Variants in MECOM observed in about 807,000 individuals in gnomAD.
MECOM encodes histone-lysine N-methyltransferase MECOM.
Under a neutral mutation model 116.3 loss-of-function variants are expected in MECOM, and 13 were observed. That is an observed-to-expected ratio of 0.11 (90% confidence interval 0.07 to 0.18). The LOEUF is 0.18. Among genes scored for constraint, MECOM ranks in the 10% least tolerant of loss-of-function variants. MECOM has a pLI of 1.00. For synonymous variants in MECOM, 528 were observed against 535.2 expected (o/e 0.99, Z 0.19); for missense variants, 1,299 against 1,509.0 (o/e 0.86, Z 2.31).
intron 1 of MECOM, among the ~76,000 whole-genome samples, chr3:169,433,649 G>GAAAGAAAGAAAGAAAGAA (rs1553851634): frequency 7.3e-4 from 89 of 121,520 alleles, no homozygotes; most frequent in African/African-American, 2.7e-3. Flanking sequence ...GAGAAAGAAA[G>GAAAGAAAGAAAGAAAGAA]AAAGAAAGAA....
At chr3:169,619,878 T>C (rs1429935718) in intron 1 of MECOM, among the ~76,000 whole-genome samples, 1 of 152,190 alleles carries the variant, frequency 6.6e-6, no homozygotes, top group African/African-American at 2.4e-5. Flanking sequence ...CTGAGAACTG[T>C]TGGCCCCAAG....
chr3:169,389,459 A>G (rs546598617), intron 1 of MECOM: 1 of 616,226 alleles, frequency 1.6e-6, no homozygotes, highest in African/African-American at 2.0e-5. Context: ...GAACAGACTT[A>G]TCACATATCA....
intron 1 of MECOM, among the ~76,000 whole-genome samples, chr3:169,489,759 A>C (rs1752852595): frequency 1.3e-5 from 2 of 152,248 alleles, no homozygotes; most frequent in South Asian, 4.1e-4. Flanking sequence ...AAATACCTAA[A>C]TATGTAAAGC....
At chr3:169,552,333 C>G (rs1761510706) in intron 1 of MECOM, among the ~76,000 whole-genome samples, 1 of 151,734 alleles carries the variant, frequency 6.6e-6, no homozygotes, top group South Asian at 2.1e-4. Flanking sequence ...TTGATAACAT[C>G]ATCAAAATTC....
chr3:169,262,700 C>T (rs1359242600), intron 2 of MECOM, among the ~76,000 whole-genome samples: 1 of 152,062 alleles, frequency 6.6e-6, no homozygotes, highest in Non-Finnish European at 1.5e-5. Context: ...CTGGAGAAAG[C>T]CCCCCACCAC....
chr3:169,575,414 C>T lies in MECOM; in HGVS notation c.37+87922G>A, dbSNP rs928438989. On this transcript the variant is annotated intron_variant, in intron 1 of 16. Transcript: ENST00000651503. ...GGGGACTGAAAAAGACCAGGCACTCCGAAGACTGGCAGAGAATGCCAGCAC... is the reference window on the plus strand; with the variant it reads ...GGGGACTGAAAAAGACCAGGCACTCTGAAGACTGGCAGAGAATGCCAGCAC... Among the ~76,000 whole-genome samples, 4 of 152,220 alleles carry T rather than the reference C, an allele frequency of 2.6e-5. No individual in the cohort carries two copies. In the South Asian group the frequency reaches 8.3e-4, roughly 32 times the overall value.
intron 1 of MECOM, among the ~76,000 whole-genome samples, chr3:169,597,705 T>A (rs1767304265): frequency 6.6e-6 from 1 of 152,196 alleles, no homozygotes; most frequent in Non-Finnish European, 1.5e-5. Context: ...CTCACAAACC[T>A]TGATACCTCT....
chr3:169,511,700 C>T (rs1157741786), intron 1 of MECOM, among the ~76,000 whole-genome samples: 6 of 151,494 alleles, frequency 4.0e-5, no homozygotes, highest in Non-Finnish European at 8.8e-5. Flanking sequence ...ACCCAGGAGG[C>T]GGAGGTTGTA....
At chr3:169,592,224 C>T (rs1766507602) in intron 1 of MECOM, among the ~76,000 whole-genome samples, 1 of 152,224 alleles carries the variant, frequency 6.6e-6, no homozygotes, top group Non-Finnish European at 1.5e-5. Flanking sequence ...TCCAGGGTGT[C>T]TGCTGTTCAC....
intron 2 of MECOM, chr3:169,149,704 C>T (rs371047174): frequency 1.3e-4 from 62 of 467,834 alleles, no homozygotes; most frequent in African/African-American, 1.2e-3. Context: ...CTTCTCTTCC[C>T]CAAATACAAC....
Position 169,122,662 on chromosome 3 carries a change from G to A in MECOM, c.896C>T (p.Ala299Val). 6.2e-7 allele frequency: 1 copy of A among 1,614,040 alleles called. No homozygotes were observed. Among genetic ancestry groups the A allele is most frequent in the East Asian group, 2.2e-5 (1 of 44,860 alleles). ...REYKCDQCPK[A>V]FNWKSNLIRH... ...AATTAAATTGGACTTCCAGTTAAAT[G>A]CCTTGGGACACTGATCACACTTGTA... Residue 299 changes from alanine (A) to valine (V), a missense_variant, in exon 6 of 17, where the codon GCA (alanine) becomes GTA (valine). Ala to Val is a moderately conservative substitution (Grantham distance 64, BLOSUM62 0). Coordinates refer to ENST00000651503, the MANE Select transcript of MECOM (RefSeq NM_004991.4).
At chr3:169,438,722 G>C (rs1301382439) in intron 1 of MECOM, among the ~76,000 whole-genome samples, 1 of 152,184 alleles carries the variant, frequency 6.6e-6, no homozygotes, top group East Asian at 1.9e-4. Context: ...CAGCCAGCAC[G>C]TGAAGAAATG....
At chr3:169,227,147 A>G (rs1219956947) in intron 2 of MECOM, among the ~76,000 whole-genome samples, 1 of 152,208 alleles carries the variant, frequency 6.6e-6, no homozygotes, top group African/African-American at 2.4e-5. Flanking sequence ...GAGCAGGCCC[A>G]GATTGTACAC....
intron 1 of MECOM, among the ~76,000 whole-genome samples, chr3:169,610,525 G>GTA (rs68013384): frequency 0.35 from 52,350 of 150,310 alleles, 9,356 homozygotes; most frequent in Non-Finnish European, 0.39. Context: ...GTGTGTGTGT[G>GTA]TGTATAATAT....
intron 1 of MECOM, among the ~76,000 whole-genome samples, chr3:169,447,026 T>G (rs1744751963): frequency 6.6e-6 from 1 of 152,350 alleles, no homozygotes; most frequent in African/African-American, 2.4e-5. Context: ...GAATTTTTTA[T>G]GTTATGAAAA....
At chr3:169,117,066 AC>A (rs1296660683) in intron 7 of MECOM, among the ~76,000 whole-genome samples, 1 of 152,192 alleles carries the variant, frequency 6.6e-6, no homozygotes, top group Admixed American at 6.5e-5. Context: ...TTGATTCTCC[AC>A]ACAATTATTA....
At chr3:169,391,014 T>A (rs963791780) in intron 1 of MECOM, among the ~76,000 whole-genome samples, 1 of 152,204 alleles carries the variant, frequency 6.6e-6, no homozygotes, top group African/African-American at 2.4e-5. Context: ...ACAGCTGACT[T>A]GATGCAGACC....
At chr3:169,173,633 C>T (rs1295950717) in intron 2 of MECOM, among the ~76,000 whole-genome samples, 1 of 152,196 alleles carries the variant, frequency 6.6e-6, no homozygotes, top group Non-Finnish European at 1.5e-5. Flanking sequence ...TTTCTCGTAT[C>T]AAATGCTTCT....
In MECOM at chr3:169,477,093, GTGTGTGTGTGTGTATATATATA is replaced by G. The variant is rs1233071193; in HGVS notation, c.38-95591_38-95570del. On this transcript the variant is annotated intron_variant, in intron 1 of 16. Coordinates refer to ENST00000651503, the MANE Select transcript of MECOM (RefSeq NM_004991.4). The stretch of plus-strand genomic sequence containing the variant: ...CTGGATAAGTAAGATGTGTGTGTGT[GTGTGTGTGTGTGTATATATATA>G]TATATATATATATATATATATATAT... 1,513 of 56,030 alleles carry G rather than the reference GTGTGTGTGTGTGTATATATATA, an allele frequency of 0.027. 99 individuals are homozygous for G. The East Asian group carries it at 0.3, about 11-fold the overall frequency. The allele number at this position is 56,030 out of a possible 1,614,324, so 3.5% of individuals were successfully genotyped here.
Sources: allele counts gnomAD v4.1 joint callset (sites outside exome capture counted in the v4.1 genomes callset), GRCh38; gene constraint gnomAD v4.1.1; transcripts MANE v1.5; gene names NCBI Gene and HGNC (gene_info 2026-07-23, HGNC 2026-07-21).